EYS: variants seen among roughly 807,000 people sequenced by gnomAD.
The protein encoded by EYS is protein eyes shut homolog.
Under a neutral mutation model 282.1 loss-of-function variants are expected in EYS, and 250 were observed. That is an observed-to-expected ratio of 0.89 (90% CI 0.80 to 0.98). EYS has a LOEUF of 0.98. Ranked by LOEUF, EYS falls within the 50% of genes least tolerant of loss-of-function variation. EYS has a pLI of 0.00. For missense variants in EYS, 4,016 were observed against 3,709.0 expected, an observed-to-expected ratio of 1.08 and a Z score of -2.15; for synonymous variants, 1,355 against 1,282.9, an observed-to-expected ratio of 1.06 and a Z score of -1.20.
intron 36 of EYS, among the ~76,000 whole-genome samples, chr6:63,817,446 G>A (rs1454954572): frequency 2.0e-5 from 3 of 152,186 alleles, no homozygotes. Flanking sequence ...TGGGACCACG[G>A]GTAGCTTGGG....
intron 15 of EYS, among the ~76,000 whole-genome samples, chr6:64,913,110 T>A (rs1768052614): frequency 6.6e-6 from 1 of 152,138 alleles, no homozygotes. Context: ...AAGCCTTAAA[T>A]GCTATTTAAT....
intron 31 of EYS, among the ~76,000 whole-genome samples, chr6:64,202,082 G>C (rs1765472544): frequency 6.6e-6 from 1 of 151,966 alleles, no homozygotes; most frequent in Non-Finnish European, 1.5e-5. Flanking sequence ...CAAGTTTTGG[G>C]GTACCCCAAG....
At chr6:64,631,942 T>TA (rs1205745810) in intron 22 of EYS, among the ~76,000 whole-genome samples, 1 of 151,970 alleles carries the variant, frequency 6.6e-6, no homozygotes, top group East Asian at 1.9e-4. Context: ...ATATTTACAT[T>TA]AAAAAACAAT....
Position 65,078,820 on chromosome 6 carries a change from G to A in EYS, c.2024-21093C>T, listed in dbSNP as rs144027664. On this transcript the variant is annotated intron_variant, in intron 12 of 42. Coordinates refer to ENST00000503581, the MANE Select transcript of EYS (RefSeq NM_001142800.2). ...GGTGGGAGGCGTTTTGATCATGCAG[G>A]CAGATCCCTCATGACTTGGTGCTGT... 1.8e-3 allele frequency among the ~76,000 whole-genome samples: 275 copies of A among 151,928 alleles called. 4 individuals are homozygous for A. The highest frequency in any genetic ancestry group is 3.0e-3 in the Non-Finnish European group (206 of 67,950).
chr6:63,747,938 G>A (rs1769250310), intron 41 of EYS, among the ~76,000 whole-genome samples: 1 of 152,084 alleles, frequency 6.6e-6, no homozygotes, highest in East Asian at 1.9e-4. Flanking sequence ...GGGGCATTTA[G>A]CACATTTACA....
At chr6:64,757,734 CTTTT>C (rs1398523621) in intron 22 of EYS, among the ~76,000 whole-genome samples, 486 of 106,836 alleles carry the variant, frequency 4.5e-3, no homozygotes, top group Middle Eastern at 9.0e-3. Flanking sequence ...AATTTTTTTT[CTTTT>C]TTTCTTTGTG....
At chr6:65,520,927 A>C (rs1767344641) in intron 2 of EYS, among the ~76,000 whole-genome samples, 1 of 152,138 alleles carries the variant, frequency 6.6e-6, no homozygotes, top group African/African-American at 2.4e-5. Context: ...ATTAAAAATT[A>C]AGAGTAACAA....
At chr6:64,414,526 TAGA>T (rs1398906099) in intron 28 of EYS, among the ~76,000 whole-genome samples, 3 of 152,064 alleles carry the variant, frequency 2.0e-5, no homozygotes, top group African/African-American at 7.2e-5. Flanking sequence ...TGGCCAAACA[TAGA>T]AGAATAGCAA....
intron 35 of EYS, among the ~76,000 whole-genome samples, chr6:63,888,389 C>T (rs568045848): frequency 7.9e-5 from 12 of 152,348 alleles, no homozygotes; most frequent in Admixed American, 3.3e-4. Context: ...TACAGGAGAG[C>T]TCTGTCTGGC....
intron 1 of EYS, among the ~76,000 whole-genome samples, chr6:65,647,421 C>T (rs1767490309): frequency 1.3e-5 from 2 of 152,206 alleles, no homozygotes; most frequent in Admixed American, 6.5e-5. Context: ...GGGGAAAGGA[C>T]AAACTATTCT....
chr6:64,433,104 T>C (rs1774624285), intron 28 of EYS, among the ~76,000 whole-genome samples: 1 of 152,140 alleles, frequency 6.6e-6, no homozygotes, highest in Non-Finnish European at 1.5e-5. Context: ...ATGAGCCAGG[T>C]TACTTTTTCA....
intron 26 of EYS, among the ~76,000 whole-genome samples, chr6:64,557,311 T>C (rs530080511): frequency 5.8e-4 from 88 of 151,708 alleles, no homozygotes; most frequent in African/African-American, 2.1e-3. Context: ...CTTGGAAAAT[T>C]TGTGATTACA....
intron 12 of EYS, among the ~76,000 whole-genome samples, chr6:65,114,256 T>C (rs1775301944): frequency 6.6e-6 from 1 of 151,138 alleles, no homozygotes; most frequent in African/African-American, 2.4e-5. Flanking sequence ...ATGCCAAATA[T>C]ATGTAACTCT....
intron 22 of EYS, among the ~76,000 whole-genome samples, chr6:64,770,322 A>G (rs1310793610): frequency 6.6e-6 from 1 of 152,056 alleles, no homozygotes; most frequent in East Asian, 1.9e-4. Context: ...TAAAGAAATT[A>G]TATCAAATAC....
chr6:64,933,948 G>A (rs1231046678), intron 15 of EYS, among the ~76,000 whole-genome samples: 3 of 151,852 alleles, frequency 2.0e-5, no homozygotes, highest in Admixed American at 6.6e-5. Context: ...CACAGGGAGG[G>A]GAACATCACA....
intron 35 of EYS, among the ~76,000 whole-genome samples, chr6:63,974,227 AT>A (rs965687427): frequency 1.2e-4 from 18 of 152,100 alleles, no homozygotes; most frequent in South Asian, 1.0e-3. Context: ...ATTTTTACGC[AT>A]TTTTTTGGTG....
At chr6:64,609,743 TG>T (rs1767049789) in intron 24 of EYS, among the ~76,000 whole-genome samples, 2 of 151,964 alleles carry the variant, frequency 1.3e-5, no homozygotes, top group African/African-American at 4.8e-5. Flanking sequence ...AAAAGTTAGC[TG>T]GTTGTGGGAA....
At chr6:65,518,636 T>C (rs1242429829) in intron 2 of EYS, among the ~76,000 whole-genome samples, 6 of 152,192 alleles carry the variant, frequency 3.9e-5, no homozygotes, top group Non-Finnish European at 7.3e-5. Flanking sequence ...TTATTGTCTT[T>C]TCTTGTTCAT....
intron 13 of EYS, among the ~76,000 whole-genome samples, chr6:65,015,324 C>T (rs1254209793): frequency 6.6e-6 from 1 of 152,130 alleles, no homozygotes; most frequent in Non-Finnish European, 1.5e-5. Flanking sequence ...TGTTAGTTAT[C>T]ACGCTAATTT....
Sources: allele counts gnomAD v4.1 joint callset (sites outside exome capture counted in the v4.1 genomes callset), GRCh38; gene constraint gnomAD v4.1.1; transcripts MANE v1.5; gene names NCBI Gene and HGNC (gene_info 2026-07-23, HGNC 2026-07-21).